KIAA1217: variants seen among roughly 807,000 people sequenced by gnomAD.
The protein encoded by KIAA1217 is KIAA1217, also known as sickle tail protein homolog.
In KIAA1217, 88 loss-of-function variants were observed where a neutral mutation model predicts 163.9. The ratio of observed to expected loss-of-function variants is 0.54; its 90% CI spans 0.45 to 0.64. The LOEUF (loss-of-function observed/expected upper bound fraction) is 0.64, where lower values mean the gene tolerates loss of function less well. Ranked by LOEUF, KIAA1217 falls within the 30% of genes least tolerant of loss-of-function variation. The probability of loss-of-function intolerance (pLI) is 0.00; values close to 1 mark genes in which losing one functional copy is unlikely to be tolerated. For synonymous variants in KIAA1217, 903 were observed against 923.1 expected (o/e 0.98, Z 0.39); for missense variants, 2,372 against 2,475.0 (o/e 0.96, Z 0.88).
At chr10:23,785,392 C>A (rs1219226481) in intron 1 of KIAA1217, among the ~76,000 whole-genome samples, 3 of 152,174 alleles carry the variant, frequency 2.0e-5, no homozygotes, top group African/African-American at 7.2e-5. Context: ...AGCATCCACA[C>A]ATTTCTGTTA....
chr10:24,226,363 A>T (rs1201815042), intron 2 of KIAA1217, among the ~76,000 whole-genome samples: 1 of 152,144 alleles, frequency 6.6e-6, no homozygotes, highest in Non-Finnish European at 1.5e-5. Flanking sequence ...GCGGTGGCTC[A>T]CGCCTGCAGT....
intron 2 of KIAA1217, among the ~76,000 whole-genome samples, chr10:24,359,080 T>G (rs2049558184): frequency 1.1e-5 from 1 of 91,260 alleles, no homozygotes; most frequent in Non-Finnish European, 2.1e-5. Context: ...CTTTCTTTCT[T>G]TCTTTTTTTT....
chr10:24,415,464 C>T (rs944073590), intron 3 of KIAA1217, among the ~76,000 whole-genome samples: 3 of 151,940 alleles, frequency 2.0e-5, no homozygotes, highest in African/African-American at 7.3e-5. Context: ...CTAGCAGTGA[C>T]TCTTCTTTCC....
At chr10:24,222,541 C>A (rs1393808267) in intron 2 of KIAA1217, among the ~76,000 whole-genome samples, 1 of 152,106 alleles carries the variant, frequency 6.6e-6, no homozygotes, top group Non-Finnish European at 1.5e-5. Flanking sequence ...GTTGCCCAGG[C>A]TGGAGTACAG....
chr10:24,190,091 G>T (rs1366372797), intron 2 of KIAA1217, among the ~76,000 whole-genome samples: 3 of 151,856 alleles, frequency 2.0e-5, no homozygotes, highest in African/African-American at 7.3e-5. Flanking sequence ...ATAAACTGAG[G>T]GGGAGCTTAG....
At chr10:23,804,800 A>T (rs145534535) in intron 1 of KIAA1217, among the ~76,000 whole-genome samples, 2 of 152,202 alleles carry the variant, frequency 1.3e-5, no homozygotes, top group Admixed American at 1.3e-4. Flanking sequence ...TATTGCTCCT[A>T]TTAGTCTGCT....
At chr10:23,893,212 A>C (rs909988175) in intron 1 of KIAA1217, among the ~76,000 whole-genome samples, 1 of 152,060 alleles carries the variant, frequency 6.6e-6, no homozygotes, top group South Asian at 2.1e-4. Context: ...TTCCTGGTTT[A>C]GTCTTGGGAG....
chr10:24,257,264 G>A (rs752900843), intron 2 of KIAA1217, among the ~76,000 whole-genome samples: 3 of 152,120 alleles, frequency 2.0e-5, no homozygotes, highest in Non-Finnish European at 4.4e-5. Context: ...TGGGGGAATG[G>A]AAACAAAGAT....
chr10:23,947,596 G>A (rs1844116166), intron 1 of KIAA1217, among the ~76,000 whole-genome samples: 1 of 152,152 alleles, frequency 6.6e-6, no homozygotes, highest in African/African-American at 2.4e-5. Context: ...GATATCAGTA[G>A]GTGGTGACAT....
intron 2 of KIAA1217, among the ~76,000 whole-genome samples, chr10:24,115,929 C>T (rs997650427): frequency 2.6e-5 from 4 of 152,172 alleles, no homozygotes; most frequent in Non-Finnish European, 5.9e-5. Flanking sequence ...TCAGTCCGAC[C>T]AGCTTGCTTC....
At chr10:24,365,567 G>A (rs142326408) in intron 2 of KIAA1217, among the ~76,000 whole-genome samples, 7 of 152,184 alleles carry the variant, frequency 4.6e-5, no homozygotes, top group African/African-American at 1.7e-4. Context: ...GAATCAGAGG[G>A]CCCTAAGCAA....
At chr10:23,879,607 G>A (rs1327629090) in intron 1 of KIAA1217, among the ~76,000 whole-genome samples, 1 of 151,944 alleles carries the variant, frequency 6.6e-6, no homozygotes, top group African/African-American at 2.4e-5. Flanking sequence ...ACAGGGTGAT[G>A]TCTTGGCTGG....
intron 3 of KIAA1217, among the ~76,000 whole-genome samples, chr10:24,393,812 G>A (rs1425683917): frequency 6.6e-6 from 1 of 152,154 alleles, no homozygotes; most frequent in Admixed American, 6.5e-5. Flanking sequence ...AACCCACACA[G>A]CTGACACCTT....
chr10:23,715,485 T>C (rs868180326), intron 1 of KIAA1217, among the ~76,000 whole-genome samples: 41 of 152,192 alleles, frequency 2.7e-4, no homozygotes, highest in African/African-American at 8.9e-4. Context: ...TTATTTTGGC[T>C]TATTACCTTT....
intron 2 of KIAA1217, among the ~76,000 whole-genome samples, chr10:24,224,974 C>T (rs952113288): frequency 6.6e-6 from 1 of 151,814 alleles, no homozygotes; most frequent in East Asian, 1.9e-4. Flanking sequence ...CTACAGGCGC[C>T]CACCACCACG....
chr10:24,218,961 A>C (rs1395524146), intron 1 of KIAA1217, among the ~76,000 whole-genome samples: 2 of 152,236 alleles, frequency 1.3e-5, no homozygotes, highest in Non-Finnish European at 2.9e-5. Flanking sequence ...AGCTTATATA[A>C]GAATCCTGTT....
chr10:23,847,107 C>A (rs534054751), intron 1 of KIAA1217, among the ~76,000 whole-genome samples: 1 of 152,078 alleles, frequency 6.6e-6, no homozygotes, highest in Non-Finnish European at 1.5e-5. Context: ...GGTACATAAG[C>A]TTTTTAATGT....
intron 1 of KIAA1217, among the ~76,000 whole-genome samples, chr10:23,774,029 T>C (rs367597822): frequency 2.4e-4 from 37 of 152,306 alleles, no homozygotes; most frequent in African/African-American, 8.9e-4. Context: ...GGCATCCCTG[T>C]CTTGTGCCAG....
At chr10:23,798,862 G>A (rs1196001710) in intron 1 of KIAA1217, among the ~76,000 whole-genome samples, 5 of 152,200 alleles carry the variant, frequency 3.3e-5, no homozygotes, top group African/African-American at 1.2e-4. Flanking sequence ...AGAGAAAAGA[G>A]CAGATTGCGA....
Sources: allele counts gnomAD v4.1 joint callset (sites outside exome capture counted in the v4.1 genomes callset), GRCh38; gene constraint gnomAD v4.1.1; transcripts MANE v1.5; gene names NCBI Gene and HGNC (gene_info 2026-07-23, HGNC 2026-07-21).